MEG3: variants seen among roughly 807,000 people sequenced by gnomAD.
MEG3 encodes Very putative protein from MEG3 locus.
chr14:100,828,627 C>G (rs946621782), intron 1 of MEG3: 2 of 151,370 alleles, frequency 1.3e-5, no homozygotes, highest in South Asian at 4.3e-4. Flanking sequence ...CTGCCTGCCC[C>G]CTTTTGCTCT....
At chr14:100,840,364 G>C (rs987977337) in intron 2 of MEG3, among the ~76,000 whole-genome samples, 1 of 152,138 alleles carries the variant, frequency 6.6e-6, no homozygotes, top group South Asian at 2.1e-4. Flanking sequence ...GTTTCAGATG[G>C]AAACAAAGGC....
At position 100,837,674 on chromosome 14, in the gene MEG3, A is replaced by G. The variant is rs932092443; in HGVS notation, n.3045+1374A>G. On this transcript the variant is annotated intron_variant and non_coding_transcript_variant, in intron 2 of 3. Transcript: ENST00000398461. This position sits in a 1 kb window ranked among gnomAD's most constrained non-coding sequence, Gnocchi z 5.8. ...AGGCCTCCGCCCTCCGCCACCCCCC[A>G]CCCCCGGAGTGTCTCTGGTTTCCGA... Among the ~76,000 whole-genome samples, 13 of 149,950 alleles carry G rather than the reference A, an allele frequency of 8.7e-5. No homozygotes were observed. The highest frequency in any genetic ancestry group is 2.9e-4 in the African/African-American group (12 of 40,846).
At chr14:100,833,392 T>TG (rs2037453646), downstream of MEG3, 1 of 152,226 alleles carries the variant, frequency 6.6e-6, no homozygotes, top group Non-Finnish European at 1.5e-5. Context: ...CCTGAGTAGC[T>TG]GGGATTACAG....
chr14:100,832,967 C>G (rs2037440549), downstream of MEG3: 1 of 152,292 alleles, frequency 6.6e-6, no homozygotes, highest in South Asian at 2.1e-4. Flanking sequence ...CATCTCAGGA[C>G]CCATTGAGGA....
At position 100,849,337 on chromosome 14, in the gene MEG3, C is replaced by T. The variant is rs572914604; in HGVS notation, n.3121+3804C>T. The T allele has an allele frequency of 2.5e-4, 38 of 151,982 alleles. No individual in the cohort carries two copies. The Middle Eastern group carries it at 0.01, about 41-fold the overall frequency. The allele number at this position is 151,982 out of a possible 1,614,324, so 9.4% of individuals were successfully genotyped here. On this transcript the variant is annotated intron_variant and non_coding_transcript_variant, in intron 3 of 3. Coordinates refer to the MEG3 transcript ENST00000398461. ...CCAGTGTGCAGAAGGCTCCAGGAAC[C>T]GCAGATTATGGTTAATCCAATTCTG...
At chr14:100,860,337 T>C (rs1359725928) in exon 1 of MEG3, 3 of 269,624 alleles carry the variant, frequency 1.1e-5, no homozygotes, top group Non-Finnish European at 2.2e-5. Context: ...GCAGAAGAGC[T>C]GGGGATAGCA....
chr14:100,834,685 G>A (rs750562726), exon 1 of MEG3: 5 of 456,552 alleles, frequency 1.1e-5, no homozygotes, highest in South Asian at 7.7e-5. Context: ...TCTCCTCAGG[G>A]TGTCCCAGCA....
chr14:100,845,170 C>G lies in MEG3; in HGVS notation n.3046-288C>G, dbSNP rs1290950523. Among the ~76,000 whole-genome samples the G allele has an allele frequency of 6.6e-6, 1 of 152,248 alleles. No individual in the cohort carries two copies. Among genetic ancestry groups the G allele is most frequent in the African/African-American group, 2.4e-5 (1 of 41,464 alleles). On this transcript the variant is annotated intron_variant and non_coding_transcript_variant, in intron 2 of 3. Transcript: ENST00000398461. This position sits in a 1 kb window ranked among gnomAD's most constrained non-coding sequence, Gnocchi z 5.2. ...CCCCGTTTCTCATCTATGCAGGGTCCTAAGCCTTTGGGTCCCACAGAGCAC... is the reference window on the plus strand; with the variant it reads ...CCCCGTTTCTCATCTATGCAGGGTCGTAAGCCTTTGGGTCCCACAGAGCAC...
chr14:100,845,834 G>C lies in MEG3; in HGVS notation n.3121+301G>C, dbSNP rs1224426908. ...TCTTTTTCACTCTTCTAAATGAATG[G>C]CTCTTTCATTATTGAGTCTCCCTTT... On this transcript the variant is annotated intron_variant and non_coding_transcript_variant, in intron 3 of 3. Coordinates refer to the MEG3 transcript ENST00000398461. This position sits in a 1 kb window ranked among gnomAD's most constrained non-coding sequence, Gnocchi z 5.2. 1 of 194,054 alleles carries C rather than the reference G, an allele frequency of 5.2e-6. No homozygotes were observed. Among genetic ancestry groups the C allele is most frequent in the Non-Finnish European group, 1.1e-5 (1 of 92,142 alleles). 12.0% of individuals were successfully genotyped at this position (194,054 alleles called of 1,614,324 possible).
intron 2 of MEG3, among the ~76,000 whole-genome samples, chr14:100,844,820 A>G (rs1225923108): frequency 6.6e-6 from 1 of 152,184 alleles, no homozygotes; most frequent in Non-Finnish European, 1.5e-5. Flanking sequence ...AAAAGAAAAA[A>G]CAAAACAAAA....
rs2037860547 is a variant in MEG3, at chr14:100,844,652, A to G, written n.3046-806A>G. On this transcript the variant is annotated intron_variant and non_coding_transcript_variant, in intron 2 of 3. Coordinates refer to the MEG3 transcript ENST00000398461. Reference sequence around the variant, plus strand: ...TGATTAACTAGAGGCCTTGGTTCACATCATTAGGGCTCACTCTTTGTGGCG... The same window carrying G: ...TGATTAACTAGAGGCCTTGGTTCACGTCATTAGGGCTCACTCTTTGTGGCG... Among the ~76,000 whole-genome samples the G allele has an allele frequency of 2.6e-5, 4 of 152,112 alleles. No individual in the cohort carries two copies. The South Asian group carries it at 8.3e-4, about 32-fold the overall frequency.
intron 2 of MEG3, among the ~76,000 whole-genome samples, chr14:100,839,463 G>A (rs1167827578): frequency 6.6e-6 from 1 of 152,168 alleles, no homozygotes; most frequent in Non-Finnish European, 1.5e-5. Context: ...CTTTTGAAAC[G>A]AGGCCTCAGA....
chr14:100,851,458 C>T (rs1007167048), intron 3 of MEG3: 1 of 152,254 alleles, frequency 6.6e-6, no homozygotes, highest in Non-Finnish European at 1.5e-5. Flanking sequence ...CCAGGCGCAC[C>T]TGAGAAGGGG....
chr14:100,852,447 G>T, upstream of MEG3: 2 of 533,748 alleles, frequency 3.7e-6, no homozygotes, highest in South Asian at 1.4e-5. Flanking sequence ...GCTGGGCCTC[G>T]TGGGCCTGAT....
chr14:100,843,752 C>T (rs543673154), intron 2 of MEG3, among the ~76,000 whole-genome samples: 1 of 151,334 alleles, frequency 6.6e-6, no homozygotes, highest in South Asian at 2.1e-4. Flanking sequence ...CCTGAGAGGC[C>T]TGAGGACAGG....
At chr14:100,828,390 C>G (rs968273398) in intron 1 of MEG3, among the ~76,000 whole-genome samples, 4 of 151,028 alleles carry the variant, frequency 2.6e-5, no homozygotes, top group African/African-American at 9.8e-5. Context: ...TTTCTCATTT[C>G]CTCGTCCCTC....
At chr14:100,843,763 C>T (rs1310714386) in intron 2 of MEG3, among the ~76,000 whole-genome samples, 2 of 143,270 alleles carry the variant, frequency 1.4e-5, no homozygotes, top group East Asian at 2.1e-4. Context: ...TGAGGACAGG[C>T]GGCAGTCTTG....
chr14:100,847,525 G>C (rs956785714), intron 3 of MEG3: 8 of 152,226 alleles, frequency 5.3e-5, no homozygotes, highest in Admixed American at 2.0e-4. Flanking sequence ...AGATGTAAAA[G>C]AAGGCAATGC....
At chr14:100,855,849 C>G (rs1001142438), upstream of MEG3, 1 of 152,188 alleles carries the variant, frequency 6.6e-6, no homozygotes, top group African/African-American at 2.4e-5. Context: ...AGTTCTGTTG[C>G]GAGTTTGATT....
Sources: gnomAD v4.1 joint callset for allele counts (sites outside exome capture counted in the v4.1 genomes callset) on GRCh38, gnomAD v4.1.1 for gene constraint, Gnocchi (gnomAD v3.1) non-coding constraint, MANE v1.5 for transcripts, NCBI Gene and HGNC (gene_info 2026-07-23, HGNC 2026-07-21) for gene names.